The following RAB3GAP2 variants were observed in gnomAD, a reference collection of about 807,000 sequenced individuals.
RAB3GAP2 encodes the protein RAB3 GTPase activating non-catalytic protein subunit 2.
In RAB3GAP2, 87 loss-of-function variants were observed where a neutral mutation model predicts 185.3. That is an observed-to-expected ratio of 0.47 (90% CI 0.39 to 0.56). RAB3GAP2 has a LOEUF of 0.56. Among genes scored for constraint, RAB3GAP2 ranks in the 20% least tolerant of loss-of-function variants. RAB3GAP2 has a pLI of 0.00. For missense variants in RAB3GAP2, 1,492 were observed against 1,638.2 expected, an observed-to-expected ratio of 0.91 and a Z score of 1.54; for synonymous variants, 554 against 576.1, an observed-to-expected ratio of 0.96 and a Z score of 0.55.
At chr1:220,177,956 G>A (rs1172634180) in intron 21 of RAB3GAP2, among the ~76,000 whole-genome samples, 1 of 152,044 alleles carries the variant, frequency 6.6e-6, no homozygotes, top group African/African-American at 2.4e-5. Context: ...AAGGTCAAGG[G>A]TCACCAATCC....
At chr1:220,167,761 G>A (rs988880306) in intron 24 of RAB3GAP2, 86 bp from the exon 25 acceptor site, 2 of 1,337,342 alleles carry the variant, frequency 1.5e-6, no homozygotes, top group South Asian at 1.2e-5. Context: ...CTTACGAAGA[G>A]ATCTAAGTGC....
Position 220,193,249 on chromosome 1 carries a change from T to G in RAB3GAP2, c.1261A>C (p.Met421Leu). The change falls in exon 13 of 35, where the codon ATG (methionine) becomes CTG (leucine). Residue 421 changes from methionine (M) to leucine (L), a missense_variant. Met to Leu is a conservative substitution (Grantham distance 15). This residue lies in a region of RAB3GAP2 where 681 missense variants were observed against 689.1 expected (regional missense o/e 0.99). Transcript: ENST00000358951. Reference sequence around the variant, plus strand: ...TTTTTGTAAGAAGTACCTTTCCACATGCGTATTGCAATTCCTCTAGCTACA... The same window carrying G: ...TTTTTGTAAGAAGTACCTTTCCACAGGCGTATTGCAATTCCTCTAGCTACA... ...LDVARGIAIR[M>L]WKGYRDAQIG... is the part of the protein sequence containing the mutation. 2 of 1,614,016 alleles carry G rather than the reference T, an allele frequency of 1.2e-6. No homozygotes were observed. Among genetic ancestry groups the G allele is most frequent in the East Asian group, 2.2e-5 (1 of 44,862 alleles).
intron 2 of RAB3GAP2, among the ~76,000 whole-genome samples, 155 bp from the exon 3 acceptor site, chr1:220,214,134 A>G (rs1019806224): frequency 1.3e-5 from 2 of 152,254 alleles, no homozygotes; most frequent in Non-Finnish European, 2.9e-5. Context: ...AAAACATGCC[A>G]AAGATGGCTG....
At chr1:220,248,391 T>C (rs1055403721) in intron 1 of RAB3GAP2, among the ~76,000 whole-genome samples, 1 of 152,100 alleles carries the variant, frequency 6.6e-6, no homozygotes, top group African/African-American at 2.4e-5. Context: ...AAATTAACTA[T>C]GTAAGGTGAT....
chr1:220,157,977 T>G lies in RAB3GAP2; in HGVS notation c.3262-101A>C, dbSNP rs3767654. ...GATACAATACACTGGTTCAGCTGAC[T>G]TTCCACACTGAATAGACAGGCAAGA... On this transcript the variant is annotated intron_variant, in intron 29 of 34. Transcript: ENST00000358951. The G allele has an allele frequency of 0.18, 154,155 of 869,894 alleles. 15,226 individuals carry two copies. Among genetic ancestry groups the G allele is most frequent in the Admixed American group, 0.28 (14,018 of 50,562 alleles). The allele number at this position is 869,894 out of a possible 1,614,324, so 53.9% of individuals were successfully genotyped here.
intron 22 of RAB3GAP2, 38 bp from the exon 23 acceptor site, chr1:220,172,087 C>G (rs1246418922): frequency 1.2e-6 from 2 of 1,607,382 alleles, no homozygotes; most frequent in East Asian, 2.2e-5. Context: ...TAAACTCTTA[C>G]CCTGTCAATT....
chr1:220,190,278 A>C, intron 15 of RAB3GAP2, 99 bp downstream of exon 15: 1 of 1,568,552 alleles, frequency 6.4e-7, no homozygotes, highest in Non-Finnish European at 8.8e-7. Context: ...AAGACAAAGG[A>C]AACAACAAAA....
At chr1:220,162,301 C>T (rs779985587) in intron 27 of RAB3GAP2, 33 bp from the exon 28 acceptor site, 8 of 1,388,694 alleles carry the variant, frequency 5.8e-6, no homozygotes, top group East Asian at 2.3e-5. Context: ...AAATAGAATG[C>T]TTATATAGTC....
chr1:220,161,058 C>T (rs969639534), intron 28 of RAB3GAP2, among the ~76,000 whole-genome samples: 1 of 152,132 alleles, frequency 6.6e-6, no homozygotes, highest in Admixed American at 6.6e-5. Flanking sequence ...AATTGTAACA[C>T]ACATAAATTA....
intron 30 of RAB3GAP2, 142 bp downstream of exon 30, chr1:220,157,660 C>T: frequency 1.9e-6 from 2 of 1,030,710 alleles, no homozygotes; most frequent in Non-Finnish European, 2.9e-6. Flanking sequence ...GAAAACATCA[C>T]TACCTTCTGG....
chr1:220,248,016 A>T (rs1403205379), intron 1 of RAB3GAP2, among the ~76,000 whole-genome samples: 1 of 151,108 alleles, frequency 6.6e-6, no homozygotes, highest in African/African-American at 2.4e-5. Context: ...TTTTAAATAA[A>T]AATATTATGA....
chr1:220,241,612 T>A (rs974508057), intron 1 of RAB3GAP2, among the ~76,000 whole-genome samples: 1 of 152,016 alleles, frequency 6.6e-6, no homozygotes, highest in Non-Finnish European at 1.5e-5. Context: ...AAGAAAAGTC[T>A]AAAGAATAGA....
At chr1:220,205,328 C>T (rs1256073250) in intron 8 of RAB3GAP2, among the ~76,000 whole-genome samples, 1 of 152,156 alleles carries the variant, frequency 6.6e-6, no homozygotes, top group Non-Finnish European at 1.5e-5. Flanking sequence ...GTTTAGGCCT[C>T]TACCTTTTCT....
intron 17 of RAB3GAP2, among the ~76,000 whole-genome samples, chr1:220,186,014 C>T (rs138623174): frequency 1.3e-5 from 2 of 152,106 alleles, no homozygotes; most frequent in Admixed American, 1.3e-4. Flanking sequence ...ATAGCCAAAT[C>T]AAAACAGAAA....
intron 7 of RAB3GAP2, 35 bp from the exon 8 acceptor site, chr1:220,206,041 AGAT>A: frequency 2.3e-6 from 3 of 1,316,202 alleles, no homozygotes; most frequent in Non-Finnish European, 3.2e-6. Flanking sequence ...GTTCTTGAAT[AGAT>A]AAATAAGCTT....
At chr1:220,180,982 A>G (rs971206413) in intron 21 of RAB3GAP2, among the ~76,000 whole-genome samples, 2 of 152,212 alleles carry the variant, frequency 1.3e-5, no homozygotes, top group African/African-American at 4.8e-5. Context: ...CTGAACATGT[A>G]CAGGCTTTTT....
In RAB3GAP2 at chr1:220,191,189, G is replaced by T. The variant is rs779969064; in HGVS notation, c.1366C>A (p.Gln456Lys). 6.2e-7 allele frequency: 1 copy of T among 1,613,834 alleles called. No individual in the cohort carries two copies. Among genetic ancestry groups the T allele is most frequent in the Admixed American group, 1.7e-5 (1 of 59,960 alleles). Residue 456 changes from glutamine (Q) to lysine (K), a missense_variant, in exon 14 of 35, where the codon CAG (glutamine) becomes AAG (lysine). Coordinates refer to ENST00000358951, the MANE Select transcript of RAB3GAP2 (RefSeq NM_012414.4). Reference sequence around the variant, plus strand: ...AATTGAGCTACTCGACTTGGACCCTGAGAATTTCCAAAGGGGGAAAAATCT... The same window carrying T: ...AATTGAGCTACTCGACTTGGACCCTTAGAATTTCCAAAGGGGGAAAAATCT... Reference protein sequence around the residue: ...KADFSPFGNSQGPSRVAQFLV... With the variant: ...KADFSPFGNSKGPSRVAQFLV...
At chr1:220,215,529 T>C (rs1325651856) in intron 2 of RAB3GAP2, among the ~76,000 whole-genome samples, 1 of 152,202 alleles carries the variant, frequency 6.6e-6, no homozygotes, top group Non-Finnish European at 1.5e-5. Context: ...ACAAATTGCA[T>C]AATTTTCTAT....
chr1:220,200,456 A>G (rs1658827958), intron 9 of RAB3GAP2: 1 of 412,230 alleles, frequency 2.4e-6, no homozygotes, highest in Admixed American at 2.9e-5. Context: ...TAGCACAAAT[A>G]TTAATAGGTA....
Sources: gnomAD v4.1 joint callset for allele counts (sites outside exome capture counted in the v4.1 genomes callset) on GRCh38, gnomAD v4.1.1 for gene constraint, gnomAD v4.1.1 regional missense constraint, MANE v1.5 for transcripts, NCBI Gene and HGNC (gene_info 2026-07-23, HGNC 2026-07-21) for gene names.